R3HDM2: variants seen among roughly 807,000 people sequenced by gnomAD.
R3HDM2 encodes the protein R3H domain-containing protein 2.
A neutral mutation model predicts 124.5 loss-of-function variants in R3HDM2; 38 were observed. The observed-to-expected ratio is 0.31, with a 90% CI of 0.24 to 0.40. R3HDM2 has a LOEUF of 0.40. R3HDM2 is among the 10% of genes least tolerant of loss of function. The pLI is 1.00. For missense variants in R3HDM2, 869 were observed against 1,236.9 expected (o/e 0.70, Z 4.46); for synonymous variants, 391 against 448.0 (o/e 0.87, Z 1.61).
intron 2 of R3HDM2, among the ~76,000 whole-genome samples, chr12:57,392,395 C>T (rs2138713789): frequency 6.6e-6 from 1 of 152,286 alleles, no homozygotes; most frequent in Non-Finnish European, 1.5e-5. Flanking sequence ...CAACCTAGAT[C>T]ACTCACATGC....
chr12:57,405,843 T>G (rs2068477744), intron 1 of R3HDM2, among the ~76,000 whole-genome samples: 1 of 152,100 alleles, frequency 6.6e-6, no homozygotes. Flanking sequence ...GGAACCAGGA[T>G]TTGGGGGGCA....
chr12:57,339,950 G>T (rs1014013335), intron 2 of R3HDM2, among the ~76,000 whole-genome samples: 5 of 152,076 alleles, frequency 3.3e-5, no homozygotes, highest in African/African-American at 1.2e-4. Context: ...AAAAAGTAGG[G>T]AGAAAAGGGG....
intron 1 of R3HDM2, among the ~76,000 whole-genome samples, chr12:57,421,739 T>C (rs967633452): frequency 1.3e-5 from 2 of 151,986 alleles, no homozygotes; most frequent in Non-Finnish European, 1.5e-5. Flanking sequence ...CGAACTGGGC[T>C]CAAGAGATCC....
chr12:57,268,856 T>TG (rs1388666577), intron 17 of R3HDM2, 66 bp downstream of exon 17: 1 of 1,558,708 alleles, frequency 6.4e-7, no homozygotes, highest in Non-Finnish European at 8.7e-7. Context: ...TGGATGACCC[T>TG]GGGAGGCTCT....
intron 2 of R3HDM2, among the ~76,000 whole-genome samples, chr12:57,360,696 A>G (rs1393464130): frequency 6.8e-6 from 1 of 147,806 alleles, no homozygotes; most frequent in Non-Finnish European, 1.5e-5. Context: ...GAAAGGAAAA[A>G]GGAAAGGAAA....
chr12:57,320,325 A>G (rs2056210148), intron 2 of R3HDM2, among the ~76,000 whole-genome samples: 1 of 149,162 alleles, frequency 6.7e-6, no homozygotes, highest in Admixed American at 6.8e-5. Flanking sequence ...TAGTAGCTTA[A>G]AAGGCAGAGA....
chr12:57,255,162 A>G, intron 23 of R3HDM2, 49 bp from the exon 24 acceptor site: 1 of 1,440,410 alleles, frequency 6.9e-7, no homozygotes, highest in African/African-American at 1.4e-5. Flanking sequence ...TAGGACAGGA[A>G]GGACTTGACA....
intron 2 of R3HDM2, among the ~76,000 whole-genome samples, chr12:57,315,042 T>C (rs1196508484): frequency 2.0e-5 from 3 of 151,446 alleles, no homozygotes; most frequent in African/African-American, 4.8e-5. Context: ...TATTTCTTTT[T>C]TTTTTTTTCT....
chr12:57,268,030 G>A (rs1319536358), intron 18 of R3HDM2: 3 of 268,294 alleles, frequency 1.1e-5, no homozygotes, highest in Non-Finnish European at 2.1e-5. Flanking sequence ...CTATCCTCTA[G>A]TTCTGAGTCC....
intron 3 of R3HDM2, 46 bp downstream of exon 3, chr12:57,310,218 A>G: frequency 7.8e-7 from 1 of 1,284,192 alleles, no homozygotes; most frequent in Non-Finnish European, 1.0e-6. Context: ...CCCTGTCTCT[A>G]AAGGAAAAAA....
intron 1 of R3HDM2, among the ~76,000 whole-genome samples, chr12:57,417,601 C>CT (rs1302209714): frequency 6.6e-6 from 1 of 152,064 alleles, no homozygotes; most frequent in Non-Finnish European, 1.5e-5. Flanking sequence ...ATTATTTGTT[C>CT]TTTTTTTGTA....
intron 7 of R3HDM2, 157 bp downstream of exon 7, chr12:57,297,933 C>T: frequency 2.3e-4 from 140 of 615,178 alleles, no homozygotes; most frequent in South Asian, 6.8e-4. Context: ...ATTTTGAATC[C>T]CTCACAGAAT....
At chr12:57,298,067 T>C in intron 7 of R3HDM2, 23 bp downstream of exon 7, 1 of 1,522,288 alleles carries the variant, frequency 6.6e-7, no homozygotes, top group Non-Finnish European at 8.9e-7. Context: ...CCCCTTTTCC[T>C]CTTATACCCA....
chr12:57,373,080 T>C (rs1188097031), intron 2 of R3HDM2, among the ~76,000 whole-genome samples: 2 of 152,218 alleles, frequency 1.3e-5, no homozygotes, highest in African/African-American at 4.8e-5. Context: ...CACGTGCCTG[T>C]AGTCCTAGCT....
chr12:57,259,103 A>G (rs1001366506), intron 19 of R3HDM2, 44 bp from the exon 20 acceptor site: 2 of 1,591,340 alleles, frequency 1.3e-6, no homozygotes, highest in Middle Eastern at 3.9e-4. Context: ...TTCCAACTGT[A>G]TTTTTGCCTT....
chr12:57,304,237 C>A (rs1225616019), intron 3 of R3HDM2, among the ~76,000 whole-genome samples: 1 of 151,948 alleles, frequency 6.6e-6, no homozygotes, highest in Non-Finnish European at 1.5e-5. Context: ...GGATAGAAAC[C>A]GAGGAAGATA....
intron 2 of R3HDM2, among the ~76,000 whole-genome samples, chr12:57,389,168 G>A (rs1451969754): frequency 6.6e-6 from 1 of 152,186 alleles, no homozygotes; most frequent in Non-Finnish European, 1.5e-5. Flanking sequence ...CGTTAGGAGG[G>A]AAGTGACTGA....
At position 57,288,983 on chromosome 12, in the gene R3HDM2, C is replaced by G. The variant is rs1293516001; in HGVS notation, c.938+26G>C. On this transcript the variant is annotated intron_variant, in intron 12 of 23. Coordinates refer to ENST00000402412, the MANE Select transcript of R3HDM2 (RefSeq NM_001394031.1). ...CTCACTGGCAAAGCTCAATGAGAAGCAGGGAACATGCTAAGTGGTACTAAC... is the reference window on the plus strand; with the variant it reads ...CTCACTGGCAAAGCTCAATGAGAAGGAGGGAACATGCTAAGTGGTACTAAC... 14 of 1,548,222 alleles carry G rather than the reference C, an allele frequency of 9.0e-6. No homozygotes were observed. The Admixed American group carries it at 2.7e-4, about 30-fold the overall frequency.
intron 1 of R3HDM2, among the ~76,000 whole-genome samples, chr12:57,424,114 CAAAAAAA>C (rs35579430): frequency 3.4e-4 from 22 of 63,878 alleles, no homozygotes; most frequent in African/African-American, 1.3e-3. Context: ...AACTCTGTCT[CAAAAAAA>C]AAAAAAAAAA....
Sources: allele counts gnomAD v4.1 joint callset (sites outside exome capture counted in the v4.1 genomes callset), GRCh38; gene constraint gnomAD v4.1.1; transcripts MANE v1.5; gene names NCBI Gene and HGNC (gene_info 2026-07-23, HGNC 2026-07-21).